The following STAG1 variants were observed in gnomAD, a reference collection of about 807,000 sequenced individuals.
STAG1 encodes the protein STAG1 cohesin complex component.
A neutral mutation model predicts 170.9 loss-of-function variants in STAG1; 26 were observed. The observed-to-expected ratio is 0.15, with a 90% CI of 0.11 to 0.21. STAG1 has a LOEUF of 0.21. Ranked by LOEUF, STAG1 falls within the 10% of genes least tolerant of loss-of-function variation. The pLI is 1.00. For synonymous variants in STAG1, 514 were observed against 497.7 expected (o/e 1.03, Z -0.44); for missense variants, 964 against 1,509.5 (o/e 0.64, Z 5.99).
intron 4 of STAG1, among the ~76,000 whole-genome samples, chr3:136,575,018 A>T (rs912136628): frequency 6.6e-6 from 1 of 152,224 alleles, no homozygotes; most frequent in Non-Finnish European, 1.5e-5. Context: ...ATCAGTAACA[A>T]AAATATACCT....
At chr3:136,609,907 T>C (rs1045370064) in intron 3 of STAG1, among the ~76,000 whole-genome samples, 1 of 152,220 alleles carries the variant, frequency 6.6e-6, no homozygotes, top group Middle Eastern at 3.4e-3. Flanking sequence ...ACTTTTCATA[T>C]CCTAAAAGAC....
At chr3:136,498,251 C>CACACACACATACATATACAT (rs2107858748) in intron 9 of STAG1, among the ~76,000 whole-genome samples, 1 of 64,280 alleles carries the variant, frequency 1.6e-5, no homozygotes, top group South Asian at 4.9e-4. Context: ...CATATACATA[C>CACACACACATACATATACAT]ACACACACAC....
chr3:136,380,023 T>C (rs565725015), intron 22 of STAG1, among the ~76,000 whole-genome samples: 2 of 152,182 alleles, frequency 1.3e-5, no homozygotes, highest in East Asian at 1.9e-4. Context: ...AGAGCTGATA[T>C]GTACCACATA....
rs549800166 is a variant in STAG1, at chr3:136,463,153, G to A, written c.1313+1728C>T. Among the ~76,000 whole-genome samples, 3 of 152,280 alleles carry A rather than the reference G, an allele frequency of 2.0e-5. No individual in the cohort carries two copies. In the East Asian group the frequency reaches 5.8e-4, roughly 29 times the overall value. ...TAGCCAGAGCTGTCAGAGTCACTAG[G>A]AAATGCAATATTATTTTAAGTCATG... On this transcript the variant is annotated intron_variant, in intron 13 of 33. Coordinates refer to ENST00000383202, the MANE Select transcript of STAG1 (RefSeq NM_005862.3).
intron 1 of STAG1, among the ~76,000 whole-genome samples, chr3:136,655,452 G>A (rs1941341221): frequency 6.6e-6 from 1 of 152,136 alleles, no homozygotes; most frequent in Non-Finnish European, 1.5e-5. Flanking sequence ...CATCCATTAG[G>A]ATGGCTATAA....
chr3:136,427,635 TG>T (rs1185253251), intron 16 of STAG1, among the ~76,000 whole-genome samples: 2 of 149,138 alleles, frequency 1.3e-5, no homozygotes, highest in African/African-American at 4.9e-5. Context: ...TCAAGATAAA[TG>T]AATCTGGTAT....
chr3:136,530,849 T>G (rs1389494154), intron 6 of STAG1, among the ~76,000 whole-genome samples: 1 of 152,188 alleles, frequency 6.6e-6, no homozygotes, highest in Non-Finnish European at 1.5e-5. Context: ...CGCACACCTG[T>G]AATCTCAGCA....
chr3:136,540,716 G>GGAGGCT (rs1193612337), intron 6 of STAG1, among the ~76,000 whole-genome samples: 1 of 150,216 alleles, frequency 6.7e-6, no homozygotes, highest in East Asian at 2.0e-4. Context: ...CAGCTACTTG[G>GGAGGCT]GAGGCTGAGG....
intron 7 of STAG1, among the ~76,000 whole-genome samples, chr3:136,512,700 G>C (rs1934131591): frequency 6.6e-6 from 1 of 151,444 alleles, no homozygotes. Flanking sequence ...ACTTCTCCAG[G>C]GAAGACAGTG....
At chr3:136,404,863 ATG>A (rs34596713) in intron 21 of STAG1, among the ~76,000 whole-genome samples, 8,030 of 148,874 alleles carry the variant, frequency 0.054, 400 homozygotes, top group African/African-American at 0.14. Context: ...TTATGCATAT[ATG>A]TGTGTGTGTG....
At chr3:136,678,372 TA>T (rs1310914701) in intron 1 of STAG1, among the ~76,000 whole-genome samples, 1 of 151,628 alleles carries the variant, frequency 6.6e-6, no homozygotes, top group Non-Finnish European at 1.5e-5. Context: ...AAAAAATCCA[TA>T]AATATAAAGA....
At chr3:136,374,565 C>A (rs980499595) in intron 23 of STAG1, among the ~76,000 whole-genome samples, 3 of 150,950 alleles carry the variant, frequency 2.0e-5, no homozygotes, top group Non-Finnish European at 4.4e-5. Context: ...TGGGGTGACC[C>A]GAGAATGTGC....
chr3:136,672,122 T>A (rs1941996960), intron 1 of STAG1, among the ~76,000 whole-genome samples: 1 of 152,206 alleles, frequency 6.6e-6, no homozygotes, highest in Non-Finnish European at 1.5e-5. Context: ...AAGCAAGGAT[T>A]CCATTCCCTT....
At chr3:136,542,366 T>C (rs1245552248) in intron 5 of STAG1, among the ~76,000 whole-genome samples, 171 bp from the exon 6 acceptor site, 2 of 152,174 alleles carry the variant, frequency 1.3e-5, no homozygotes, top group Non-Finnish European at 2.9e-5. Flanking sequence ...GACAGGACAG[T>C]ACTCCTAAGA....
intron 13 of STAG1, among the ~76,000 whole-genome samples, chr3:136,457,203 C>T (rs902222555): frequency 3.3e-5 from 5 of 152,064 alleles, no homozygotes; most frequent in Non-Finnish European, 7.4e-5. Context: ...CAAATATAAG[C>T]CCAGGCATAA....
chr3:136,557,101 G>A (rs1223288444), intron 5 of STAG1, among the ~76,000 whole-genome samples: 1 of 151,914 alleles, frequency 6.6e-6, no homozygotes, highest in Non-Finnish European at 1.5e-5. Context: ...AGGTGTAGTG[G>A]TGGTGCGTGC....
At chr3:136,706,438 T>C (rs367977604) in intron 1 of STAG1, among the ~76,000 whole-genome samples, 59 of 152,252 alleles carry the variant, frequency 3.9e-4, no homozygotes, top group East Asian at 3.3e-3. Flanking sequence ...TTCCTACACA[T>C]AATAATCCAA....
intron 4 of STAG1, among the ~76,000 whole-genome samples, chr3:136,593,457 T>C (rs570405471): frequency 6.6e-6 from 1 of 152,256 alleles, no homozygotes; most frequent in Non-Finnish European, 1.5e-5. Flanking sequence ...CCTCCCATTG[T>C]GCTGCCTTAG....
At chr3:136,391,009 G>C (rs548880400) in intron 22 of STAG1, among the ~76,000 whole-genome samples, 75 of 152,310 alleles carry the variant, frequency 4.9e-4, no homozygotes, top group Non-Finnish European at 3.2e-4. Flanking sequence ...CTTTTCTCCA[G>C]TCTGTTTGCA....
Sources: allele counts gnomAD v4.1 joint callset (sites outside exome capture counted in the v4.1 genomes callset), GRCh38; gene constraint gnomAD v4.1.1; transcripts MANE v1.5; gene names NCBI Gene and HGNC (gene_info 2026-07-23, HGNC 2026-07-21).